PMP22: variants seen among roughly 807,000 people sequenced by gnomAD.
The protein encoded by PMP22 is peripheral myelin protein 22.
Under a neutral mutation model 18.9 loss-of-function variants are expected in PMP22, and 2 were observed. The observed-to-expected ratio is 0.11, with a 90% confidence interval of 0.04 to 0.33. The LOEUF (loss-of-function observed/expected upper bound fraction) is 0.33, where lower values mean the gene tolerates loss of function less well. Among genes scored for constraint, PMP22 ranks in the 10% least tolerant of loss-of-function variants. PMP22 has a pLI of 1.00. For synonymous variants in PMP22, 95 were observed against 89.2 expected (o/e 1.07, Z -0.37); for missense variants, 169 against 202.2 (o/e 0.84, Z 1.00).
chr17:15,239,112 A>C (rs1396195580), intron 4 of PMP22, among the ~76,000 whole-genome samples: 1 of 152,202 alleles, frequency 6.6e-6, no homozygotes. Context: ...ACAGCTCTCA[A>C]GCCTGACCTT....
At chr17:15,241,130 A>G (rs945577984) in intron 3 of PMP22, among the ~76,000 whole-genome samples, 1 of 152,178 alleles carries the variant, frequency 6.6e-6, no homozygotes, top group African/African-American at 2.4e-5. Flanking sequence ...CTTTGATTCT[A>G]GTCTAGCACT....
chr17:15,263,583 G>GCGCACACACACACACACACACA (rs71353722), intron 1 of PMP22, among the ~76,000 whole-genome samples: 2 of 149,942 alleles, frequency 1.3e-5, no homozygotes, highest in African/African-American at 4.9e-5. Context: ...GCACGCGCGC[G>GCGCACACACACACACACACACA]CACACACACA....
chr17:15,232,662 G>A (rs1409842790), intron 4 of PMP22: 1 of 152,282 alleles, frequency 6.6e-6, no homozygotes, highest in African/African-American at 2.4e-5. Context: ...TGTTAACAGA[G>A]TGCTAGCAGG....
At chr17:15,235,399 C>T (rs1031341288) in intron 4 of PMP22, 20 of 699,470 alleles carry the variant, frequency 2.9e-5, no homozygotes, top group African/African-American at 7.1e-5. Flanking sequence ...TAAATCAAAA[C>T]GTGCAAATCT....
intron 3 of PMP22, among the ~76,000 whole-genome samples, chr17:15,246,037 A>T (rs1258983867): frequency 6.6e-6 from 1 of 152,128 alleles, no homozygotes; most frequent in Non-Finnish European, 1.5e-5. Flanking sequence ...AAAAAAAGAA[A>T]AAAGAAAATG....
intron 3 of PMP22, among the ~76,000 whole-genome samples, chr17:15,249,047 A>G (rs1908089038): frequency 6.6e-6 from 1 of 152,194 alleles, no homozygotes. Context: ...TCTTTCCCCT[A>G]AAGTATGAAA....
At chr17:15,250,526 A>G (rs1200752499) in intron 3 of PMP22, among the ~76,000 whole-genome samples, 4 of 152,150 alleles carry the variant, frequency 2.6e-5, no homozygotes, top group Non-Finnish European at 1.5e-5. Flanking sequence ...GATGGTCAAA[A>G]TATAAATCCT....
Position 15,239,494 on chromosome 17 carries a change from G to C in PMP22, c.296C>G (p.Thr99Ser). The C allele has an allele frequency of 1.2e-6, 2 of 1,614,214 alleles. No homozygotes were observed. Among genetic ancestry groups the C allele is most frequent in the Non-Finnish European group, 1.7e-6 (2 of 1,180,026 alleles). The part of the protein sequence containing the change: ...TLTKGGRFYI[T>S]GIFQILAGLC... ...ACCAGCAAGAATTTGGAAGATTCCA[G>C]TGATGTAAAACCTGCCCCCCTTGGT... The change falls in exon 4 of 5, where the codon ACT (threonine) becomes AGT (serine). Residue 99 changes from threonine (T) to serine (S), a missense_variant. Coordinates refer to ENST00000312280, the MANE Select transcript of PMP22 (RefSeq NM_000304.4).
intron 4 of PMP22, among the ~76,000 whole-genome samples, chr17:15,236,199 CCTAA>C (rs2150671674): frequency 6.6e-6 from 1 of 152,182 alleles, no homozygotes; most frequent in Non-Finnish European, 1.5e-5. Context: ...AGAGATAGTT[CCTAA>C]CTGTCAGCCT....
chr17:15,260,290 T>G (rs1226712808), intron 2 of PMP22: 1 of 318,696 alleles, frequency 3.1e-6, no homozygotes, highest in African/African-American at 2.2e-5. Context: ...CTGACTATGG[T>G]TTGGAGAAAA....
intron 4 of PMP22, among the ~76,000 whole-genome samples, chr17:15,233,464 T>G (rs563149661): frequency 6.6e-6 from 1 of 152,356 alleles, no homozygotes; most frequent in South Asian, 2.1e-4. Context: ...TAAAGCCCTT[T>G]TGAAGAGAAA....
At chr17:15,244,237 C>T (rs1907595442) in intron 3 of PMP22, among the ~76,000 whole-genome samples, 1 of 151,990 alleles carries the variant, frequency 6.6e-6, no homozygotes, top group African/African-American at 2.4e-5. Context: ...AATTTTCATC[C>T]AGCCAATAGG....
At chr17:15,241,756 T>C (rs190776530) in intron 3 of PMP22, among the ~76,000 whole-genome samples, 1 of 152,228 alleles carries the variant, frequency 6.6e-6, no homozygotes, top group Admixed American at 6.5e-5. Flanking sequence ...CCATAAGTTA[T>C]TTCTCGAATC....
rs151259402 is a variant in PMP22 at position 15,257,959 on chromosome 17, G to GT, written c.178+1134dup. Among the ~76,000 whole-genome samples, 506 of 152,274 alleles carry GT rather than the reference G, an allele frequency of 3.3e-3. 2 individuals are homozygous for GT. Among genetic ancestry groups the GT allele is most frequent in the African/African-American group, 0.012 (484 of 41,536 alleles). On this transcript the variant is annotated intron_variant, in intron 3 of 4. Transcript: ENST00000312280. ...ATGCTTCAGCTGGGGACATGCTTGG[G>GT]TATTACTGGGTACTGAGCTGTAAGA...
intron 3 of PMP22, among the ~76,000 whole-genome samples, chr17:15,249,914 A>C (rs941473211): frequency 6.6e-6 from 1 of 152,158 alleles, no homozygotes; most frequent in Non-Finnish European, 1.5e-5. Flanking sequence ...GTTGGGTTTA[A>C]CAAGGTAATT....
chr17:15,241,890 A>G (rs931352162), intron 3 of PMP22, among the ~76,000 whole-genome samples: 1 of 152,234 alleles, frequency 6.6e-6, no homozygotes, highest in Non-Finnish European at 1.5e-5. Flanking sequence ...GTTTTCAACC[A>G]TAAGCACAAT....
rs549357208 is a variant in PMP22, at chr17:15,251,358, T to TTG, written c.178+7734_178+7735dup. Among the ~76,000 whole-genome samples, 212 of 152,252 alleles carry TTG rather than the reference T, an allele frequency of 1.4e-3. 1 individual carries two copies. In the Middle Eastern group the frequency reaches 0.024, roughly 17 times the overall value. On this transcript the variant is annotated intron_variant, in intron 3 of 4. Coordinates refer to ENST00000312280, the MANE Select transcript of PMP22 (RefSeq NM_000304.4). ...TGTATTGCCTGTTTCCTCCAACTCC[T>TTG]TGTGAGCTGCACAATGGCAGGGACC...
intron 3 of PMP22, among the ~76,000 whole-genome samples, chr17:15,240,374 G>C (rs1007112092): frequency 6.6e-6 from 1 of 151,274 alleles, no homozygotes; most frequent in Non-Finnish European, 1.5e-5. Context: ...CTCTCTATAG[G>C]TATGGAAATC....
Position 15,244,841 on chromosome 17 carries a change from C to T in PMP22, c.179-5230G>A, listed in dbSNP as rs531437572. Among the ~76,000 whole-genome samples the T allele has an allele frequency of 6.3e-4, 96 of 152,320 alleles. 2 individuals carry two copies. The South Asian group carries it at 0.019, about 31-fold the overall frequency. On this transcript the variant is annotated intron_variant, in intron 3 of 4. Coordinates refer to ENST00000312280, the MANE Select transcript of PMP22 (RefSeq NM_000304.4). ...CTGTTGCAACGAAGAAGAGTTTGGT[C>T]AAGAAGCCTTTCAGTTGAGGATATT...
Sources: gnomAD v4.1 joint callset for allele counts (sites outside exome capture counted in the v4.1 genomes callset) on GRCh38, gnomAD v4.1.1 for gene constraint, MANE v1.5 for transcripts, NCBI Gene and HGNC (gene_info 2026-07-23, HGNC 2026-07-21) for gene names.